The following DRC1 variants were observed in gnomAD, a reference collection of about 807,000 sequenced individuals.
DRC1 encodes the protein dynein regulatory complex protein 1.
Under a neutral mutation model 98.7 loss-of-function variants are expected in DRC1, and 74 were observed. The ratio of observed to expected loss-of-function variants is 0.75; its 90% confidence interval spans 0.62 to 0.91. The LOEUF is 0.91. DRC1 is among the 40% of genes least tolerant of loss of function. The probability of loss-of-function intolerance (pLI) is 0.00; values close to 1 mark genes in which losing one functional copy is unlikely to be tolerated. For synonymous variants in DRC1, 336 were observed against 334.1 expected, an observed-to-expected ratio of 1.01 and a Z score of -0.06; for missense variants, 875 against 886.0, an observed-to-expected ratio of 0.99 and a Z score of 0.16.
intron 1 of DRC1, among the ~76,000 whole-genome samples, chr2:26,412,057 T>C (rs911853084): frequency 3.9e-5 from 6 of 152,080 alleles, no homozygotes; most frequent in African/African-American, 1.4e-4. Flanking sequence ...ACAAAGAGCA[T>C]GTTCAATAAG....
At position 26,418,799 on chromosome 2, in the gene DRC1, C is replaced by T. The variant is rs1478559019; in HGVS notation, c.244-2489C>T. ...TAATTTATATATTTATACATATATACATTATAATATATTGTATAGTATATA... is the reference window on the plus strand; with the variant it reads ...TAATTTATATATTTATACATATATATATTATAATATATTGTATAGTATATA... On this transcript the variant is annotated intron_variant, in intron 2 of 16. Coordinates refer to ENST00000288710, the MANE Select transcript of DRC1 (RefSeq NM_145038.5). Among the ~76,000 whole-genome samples the T allele has an allele frequency of 2.4e-5, 3 of 124,262 alleles. No homozygotes were observed. In the Admixed American group the frequency reaches 2.9e-4, roughly 12 times the overall value. The allele number at this position is 124,262 out of a possible 152,430, so 81.5% of individuals were successfully genotyped here. A position where few individuals can be genotyped will look rare whatever the true frequency, so the allele number is the denominator to read the frequency against.
rs1167700043 is a variant in DRC1 at position 26,448,755 on chromosome 2, T to C, written c.1461T>C (p.Ile487=). 15 of 1,614,146 alleles carry C rather than the reference T, an allele frequency of 9.3e-6. No individual in the cohort carries two copies. Among genetic ancestry groups the C allele is most frequent in the Non-Finnish European group, 1.1e-5 (13 of 1,180,008 alleles). The change falls in exon 11 of 17, where the codon ATT becomes ATC. Residue 487 remains isoleucine, a synonymous_variant. Transcript: ENST00000288710. Reference sequence around the variant, plus strand: ...CCTACCTGGATTTGCCGAAGCAAATTTCTGAAAAAACTACCAAGAGGATCC... The same window carrying C: ...CCTACCTGGATTTGCCGAAGCAAATCTCTGAAAAAACTACCAAGAGGATCC... ...PESYLDLPKQ[I]SEKTTKRILM... is the part of the protein sequence containing the mutation.
At position 26,424,391 on chromosome 2, in the gene DRC1, C is replaced by T; in HGVS notation, c.477C>T (p.Thr159=). The T allele has an allele frequency of 6.2e-7, 1 of 1,613,804 alleles. No individual in the cohort carries two copies. The highest frequency in any genetic ancestry group is 8.5e-7 in the Non-Finnish European group (1 of 1,179,978). The part of the protein sequence containing the change: ...IPQELWEMLN[T]QQLHCAGLLE... ...AAGAGCTGTGGGAAATGCTCAATACCCAACAGCTGCACTGTGCTGGACTCT... is the reference window on the plus strand; with the variant it reads ...AAGAGCTGTGGGAAATGCTCAATACTCAACAGCTGCACTGTGCTGGACTCT... Residue 159 remains threonine, a synonymous_variant, in exon 4 of 17, where the codon ACC becomes ACT. Transcript: ENST00000288710.
At chr2:26,402,486 G>T (rs968749612) in intron 1 of DRC1, among the ~76,000 whole-genome samples, 2 of 152,166 alleles carry the variant, frequency 1.3e-5, no homozygotes, top group Admixed American at 6.5e-5. Flanking sequence ...AGGGTCTGCT[G>T]GATCATGTGG....
At chr2:26,435,035 C>T (rs1451548113) in intron 7 of DRC1, among the ~76,000 whole-genome samples, 3 of 152,062 alleles carry the variant, frequency 2.0e-5, no homozygotes, top group South Asian at 2.1e-4. Flanking sequence ...AGTTTAGGGT[C>T]GAGATTGTGG....
chr2:26,429,605 GA>G, intron 4 of DRC1, 22 bp from the exon 5 acceptor site: 1 of 1,611,748 alleles, frequency 6.2e-7, no homozygotes, highest in Non-Finnish European at 8.5e-7. Context: ...TTTGTGGCCA[GA>G]CTTTTACATG....
At position 26,418,592 on chromosome 2, in the gene DRC1, T is replaced by TA. The variant is rs1558438006; in HGVS notation, c.244-2694dup. Among the ~76,000 whole-genome samples the TA allele has an allele frequency of 1.0e-3, 104 of 101,324 alleles. 1 individual carries two copies. The highest frequency in any genetic ancestry group is 4.8e-3 in the African/African-American group (101 of 21,098). The allele number at this position is 101,324 out of a possible 152,430, so 66.5% of individuals were successfully genotyped here. ...ATATATATTATATATAAATTATATA[T>TA]AATTTATATAATATATAAATTATAT... On this transcript the variant is annotated intron_variant, in intron 2 of 16. Transcript: ENST00000288710.
At chr2:26,448,648 A>G (rs1232497864) in intron 10 of DRC1, 43 bp from the exon 11 acceptor site, 2 of 1,595,666 alleles carry the variant, frequency 1.3e-6, no homozygotes, top group Non-Finnish European at 1.7e-6. Flanking sequence ...TCCAGAAATT[A>G]TCTTCTTTTT....
intron 7 of DRC1, among the ~76,000 whole-genome samples, chr2:26,436,663 C>T (rs1436050976): frequency 6.6e-6 from 1 of 152,168 alleles, no homozygotes; most frequent in East Asian, 1.9e-4. Flanking sequence ...ATGAAATTCA[C>T]ATGAGCATGC....
intron 1 of DRC1, among the ~76,000 whole-genome samples, chr2:26,408,163 C>G (rs553785802): frequency 1.4e-4 from 21 of 152,198 alleles, no homozygotes; most frequent in African/African-American, 5.1e-4. Flanking sequence ...ACAAAGGGAA[C>G]CAAAATAAGG....
chr2:26,424,308 G>A lies in DRC1; in HGVS notation c.394G>A (p.Asp132Asn). 6.2e-7 allele frequency: 1 copy of A among 1,613,970 alleles called. No individual in the cohort carries two copies. Among genetic ancestry groups the A allele is most frequent in the South Asian group, 1.1e-5 (1 of 91,074 alleles). ...GGAGAATGAAGTTAAGACCAGCCAG[G>A]ACAAATTCGATGAAATCACCTCAAA... Reference protein sequence around the residue: ...KLENEVKTSQDKFDEITSKWE... With the variant: ...KLENEVKTSQNKFDEITSKWE... Residue 132 changes from aspartate to asparagine, a missense_variant, in exon 4 of 17, where the codon GAC (aspartate) becomes AAC (asparagine). By Grantham distance (23) the Asp-to-Asn change is conservative. Transcript: ENST00000288710.
At chr2:26,424,491 A>T in intron 4 of DRC1, 37 bp downstream of exon 4, 1 of 1,578,660 alleles carries the variant, frequency 6.3e-7, no homozygotes, top group Middle Eastern at 2.3e-4. Flanking sequence ...GCCACAGGGG[A>T]TCTGCCTGGG....
At chr2:26,441,867 C>T (rs749883636) in intron 8 of DRC1, among the ~76,000 whole-genome samples, 1 of 152,230 alleles carries the variant, frequency 6.6e-6, no homozygotes. Context: ...TGTTTCTAAG[C>T]ACCATCTTTT....
chr2:26,444,921 A>T lies in DRC1; in HGVS notation c.1369A>T (p.Ile457Leu), dbSNP rs1414998432. The T allele has an allele frequency of 6.2e-7, 1 of 1,614,166 alleles. No homozygotes were observed. Among genetic ancestry groups the T allele is most frequent in the East Asian group, 2.2e-5 (1 of 44,888 alleles). ...SQQPQKSATQIVEEMLMRSEE... is the reference protein window; with the variant it reads ...SQQPQKSATQLVEEMLMRSEE... ...GCAGCCCCAGAAGTCCGCCACACAG[A>T]TAGTAGAAGAAATGCTTATGCGCTC... Residue 457 changes from isoleucine to leucine, a missense_variant, in exon 10 of 17, where the codon ATA (isoleucine) becomes TTA (leucine). Coordinates refer to ENST00000288710, the MANE Select transcript of DRC1 (RefSeq NM_145038.5).
chr2:26,430,523 C>T (rs907319119), intron 5 of DRC1: 1 of 557,072 alleles, frequency 1.8e-6, no homozygotes, highest in African/African-American at 1.9e-5. Context: ...TCCTCCAGTT[C>T]CCTGCCTCTG....
intron 16 of DRC1, among the ~76,000 whole-genome samples, chr2:26,456,097 C>T (rs548773831): frequency 4.5e-4 from 69 of 152,224 alleles, no homozygotes; most frequent in Non-Finnish European, 7.6e-4. Context: ...ACATTCTGGA[C>T]GGTATGGTTC....
At chr2:26,409,098 ATTT>A (rs748498967) in intron 1 of DRC1, among the ~76,000 whole-genome samples, 1 of 141,784 alleles carries the variant, frequency 7.1e-6, no homozygotes, top group Non-Finnish European at 1.6e-5. Flanking sequence ...TGCCCGGCTA[ATTT>A]TTTTTTTTTT....
intron 7 of DRC1, among the ~76,000 whole-genome samples, chr2:26,435,062 G>A (rs1447290721): frequency 6.6e-6 from 1 of 152,120 alleles, no homozygotes; most frequent in Non-Finnish European, 1.5e-5. Flanking sequence ...GGCCCAGTGG[G>A]GTCTCTAGAG....
At chr2:26,415,448 C>T (rs748521695) in intron 2 of DRC1, among the ~76,000 whole-genome samples, 13 of 152,108 alleles carry the variant, frequency 8.5e-5, no homozygotes, top group South Asian at 2.1e-4. Flanking sequence ...AAAATATTCA[C>T]GTTGCTGAAT....
Sources: allele counts gnomAD v4.1 joint callset (sites outside exome capture counted in the v4.1 genomes callset), GRCh38; gene constraint gnomAD v4.1.1; transcripts MANE v1.5; gene names NCBI Gene and HGNC (gene_info 2026-07-23, HGNC 2026-07-21).